Variants in PHTF2 observed in about 807,000 individuals in gnomAD.
PHTF2 encodes putative homeodomain transcription factor 2, also known as protein PHTF2.
A neutral mutation model predicts 101.2 loss-of-function variants in PHTF2; 60 were observed. The ratio of observed to expected loss-of-function variants is 0.59; its 90% confidence interval spans 0.48 to 0.73. The LOEUF is 0.73. PHTF2 is among the 30% of genes least tolerant of loss of function. The probability of loss-of-function intolerance (pLI) is 0.00; values close to 1 mark genes in which losing one functional copy is unlikely to be tolerated. For synonymous variants in PHTF2, 311 were observed against 307.3 expected, an observed-to-expected ratio of 1.01 and a Z score of -0.13; for missense variants, 747 against 908.7, an observed-to-expected ratio of 0.82 and a Z score of 2.29.
chr7:77,937,266 G>A (rs1450825810), intron 12 of PHTF2, among the ~76,000 whole-genome samples: 1 of 152,140 alleles, frequency 6.6e-6, no homozygotes, highest in Non-Finnish European at 1.5e-5. Flanking sequence ...ATGATCATAA[G>A]TTGGACAATG....
At chr7:77,883,395 A>T (rs1799569501) in intron 3 of PHTF2, among the ~76,000 whole-genome samples, 1 of 152,136 alleles carries the variant, frequency 6.6e-6, no homozygotes, top group African/African-American at 2.4e-5. Flanking sequence ...TTTGGGGATT[A>T]TAGATATAAT....
At chr7:77,917,081 T>A (rs1475539896) in intron 9 of PHTF2, among the ~76,000 whole-genome samples, 1 of 152,250 alleles carries the variant, frequency 6.6e-6, no homozygotes. Context: ...GTCGGCATTC[T>A]GCTTTAAGGA....
intron 3 of PHTF2, among the ~76,000 whole-genome samples, chr7:77,859,259 G>C (rs1235990317): frequency 6.6e-6 from 1 of 152,162 alleles, no homozygotes; most frequent in Admixed American, 6.5e-5. Context: ...CTATTCTGAG[G>C]TTCCGGTGCA....
At position 77,844,474 on chromosome 7, in the gene PHTF2, T is replaced by C. The variant is rs117045185; in HGVS notation, c.45+4174T>C. Among the ~76,000 whole-genome samples the C allele has an allele frequency of 9.4e-3, 1,428 of 152,354 alleles. 12 individuals carry two copies. The highest frequency in any genetic ancestry group is 0.01 in the Non-Finnish European group (683 of 68,036). On this transcript the variant is annotated intron_variant, in intron 2 of 19. Transcript: ENST00000416283. ...AAACAAACTTTGAAATTATTATAAATGCGTACAGAAATTCTACTTAATTAT... is the reference window on the plus strand; with the variant it reads ...AAACAAACTTTGAAATTATTATAAACGCGTACAGAAATTCTACTTAATTAT...
chr7:77,825,025 G>A (rs996658073), intron 1 of PHTF2, among the ~76,000 whole-genome samples: 5 of 152,076 alleles, frequency 3.3e-5, no homozygotes, highest in African/African-American at 7.2e-5. Context: ...GTGACAGAGC[G>A]AGCCTCTGTC....
At chr7:77,940,331 A>G (rs1584776125) in intron 14 of PHTF2, 29 bp downstream of exon 13, 2 of 1,536,264 alleles carry the variant, frequency 1.3e-6, no homozygotes, top group Non-Finnish European at 1.8e-6. Context: ...TCCGAATAAG[A>G]ATATTTTATC....
intron 12 of PHTF2, among the ~76,000 whole-genome samples, chr7:77,932,600 GAA>G (rs869156014): frequency 0.011 from 1,423 of 126,036 alleles, 12 homozygotes; most frequent in East Asian, 0.015. Flanking sequence ...GAGAGAGAGA[GAA>G]AGAGAGAGAG....
At chr7:77,853,614 A>C (rs1796940085) in intron 2 of PHTF2, among the ~76,000 whole-genome samples, 1 of 151,984 alleles carries the variant, frequency 6.6e-6, no homozygotes, top group African/African-American at 2.4e-5. Context: ...GGCTGGTCTC[A>C]AACTTCTGAG....
At chr7:77,896,980 G>A (rs967879415) in intron 5 of PHTF2, among the ~76,000 whole-genome samples, 2 of 152,114 alleles carry the variant, frequency 1.3e-5, no homozygotes, top group African/African-American at 2.4e-5. Flanking sequence ...TGTAAGTTGC[G>A]AATTATTTTT....
intron 1 of PHTF2, among the ~76,000 whole-genome samples, chr7:77,834,762 C>T (rs563269258): frequency 1.3e-5 from 2 of 152,304 alleles, no homozygotes; most frequent in African/African-American, 4.8e-5. Context: ...GATGCTTAGT[C>T]ATTGCTTTTT....
At chr7:77,845,426 C>T (rs923489974) in intron 2 of PHTF2, among the ~76,000 whole-genome samples, 3 of 152,170 alleles carry the variant, frequency 2.0e-5, no homozygotes, top group Admixed American at 1.3e-4. Flanking sequence ...AGATCTTGGT[C>T]ATTGTCTTTA....
Position 77,944,304 on chromosome 7 carries a change from T to A in PHTF2, c.1959+1518T>A, listed in dbSNP as rs142035025. Reference sequence around the variant, plus strand: ...CTACTCACACCATGAAGTCAAACCCTCAAAGATCTACAGCCTCAGTGAAAA... The same window carrying A: ...CTACTCACACCATGAAGTCAAACCCACAAAGATCTACAGCCTCAGTGAAAA... On this transcript the variant is annotated intron_variant, in intron 16 of 19. Coordinates refer to ENST00000416283, the Ensembl canonical transcript of PHTF2. 4.1e-4 allele frequency among the ~76,000 whole-genome samples: 63 copies of A among 152,124 alleles called. No individual in the cohort carries two copies. In the East Asian group the frequency reaches 0.011, roughly 27 times the overall value.
chr7:77,942,795 A>G lies in PHTF2; in HGVS notation c.1959+9A>G. The G allele has an allele frequency of 7.0e-7, 1 of 1,419,026 alleles. No individual in the cohort carries two copies. Among genetic ancestry groups the G allele is most frequent in the African/African-American group, 1.4e-5 (1 of 70,532 alleles). 87.9% of individuals were successfully genotyped at this position (1,419,026 alleles called of 1,614,324 possible). ...TTATCTGTTGTGCCCAGGTGAGTTAACTCGCTCCATGTAGAAATTAACCAG... is the reference window on the plus strand; with the variant it reads ...TTATCTGTTGTGCCCAGGTGAGTTAGCTCGCTCCATGTAGAAATTAACCAG... On this transcript the variant is annotated intron_variant, in intron 16 of 19. Coordinates refer to ENST00000416283, the Ensembl canonical transcript of PHTF2.
At chr7:77,896,182 C>G (rs1800859008) in intron 5 of PHTF2, among the ~76,000 whole-genome samples, 1 of 152,062 alleles carries the variant, frequency 6.6e-6, no homozygotes, top group African/African-American at 2.4e-5. Context: ...TCATGGGGTA[C>G]ATGTGCAATT....
At chr7:77,951,671 C>G in exon 18 of PHTF2, 1 of 1,482,392 alleles carries the variant, frequency 6.7e-7, no homozygotes, top group Non-Finnish European at 9.1e-7. Context: ...GGAACTGACA[C>G]TAGTGAATAA....
At chr7:77,853,758 T>C (rs1316527139) in intron 2 of PHTF2, among the ~76,000 whole-genome samples, 1 of 152,168 alleles carries the variant, frequency 6.6e-6, no homozygotes, top group East Asian at 1.9e-4. Context: ...CAGTATATCT[T>C]GAAGCCCCAG....
intron 6 of PHTF2, 113 bp downstream of exon 5, chr7:77,900,893 C>T: frequency 1.6e-6 from 1 of 634,914 alleles, no homozygotes; most frequent in East Asian, 2.8e-5. Flanking sequence ...TAAAGAAATA[C>T]TTGAGATTGG....
chr7:77,871,497 G>A (rs1798513353), intron 3 of PHTF2, among the ~76,000 whole-genome samples: 2 of 152,276 alleles, frequency 1.3e-5, no homozygotes, highest in Admixed American at 6.5e-5. Flanking sequence ...CCAGGAGAAC[G>A]TAATGTCTCA....
intron 5 of PHTF2, among the ~76,000 whole-genome samples, chr7:77,900,387 A>C (rs184109031): frequency 6.6e-6 from 1 of 152,268 alleles, no homozygotes; most frequent in East Asian, 1.9e-4. Flanking sequence ...CCAAATGCCA[A>C]TATGGGGCCA....
Sources: allele counts gnomAD v4.1 joint callset (sites outside exome capture counted in the v4.1 genomes callset), GRCh38; gene constraint gnomAD v4.1.1; transcripts MANE v1.5; gene names NCBI Gene and HGNC (gene_info 2026-07-23, HGNC 2026-07-21).